The following EPHB1 variants were observed in gnomAD, a reference collection of about 807,000 sequenced individuals.
EPHB1 encodes ephrin type-B receptor 1.
In EPHB1, 30 loss-of-function variants were observed where a neutral mutation model predicts 94.4. That is an observed-to-expected ratio of 0.32 (90% CI 0.24 to 0.43). The LOEUF (loss-of-function observed/expected upper bound fraction) is 0.43, where lower values mean the gene tolerates loss of function less well. Ranked by LOEUF, EPHB1 falls within the 20% of genes least tolerant of loss-of-function variation. The pLI is 1.00. For missense variants in EPHB1, 1,055 were observed against 1,308.3 expected, an observed-to-expected ratio of 0.81 and a Z score of 2.99; for synonymous variants, 522 against 489.1, an observed-to-expected ratio of 1.07 and a Z score of -0.89.
At chr3:135,187,781 T>A (rs1215364189) in intron 10 of EPHB1, among the ~76,000 whole-genome samples, 4 of 152,180 alleles carry the variant, frequency 2.6e-5, no homozygotes, top group Non-Finnish European at 5.9e-5. Flanking sequence ...AAAGCTCTGA[T>A]GTGTCTTAGA....
intron 4 of EPHB1, among the ~76,000 whole-genome samples, chr3:135,125,693 A>G (rs995836612): frequency 2.7e-3 from 1 of 374 alleles, no homozygotes; most frequent in African/African-American, 3.3e-3. Context: ...TGTTTATTTG[A>G]TAATGGTCTA....
intron 3 of EPHB1, among the ~76,000 whole-genome samples, chr3:135,079,140 A>G (rs192428122): frequency 6.6e-6 from 1 of 151,872 alleles, no homozygotes; most frequent in East Asian, 1.9e-4. Context: ...CCAAAGAAAC[A>G]CTAAACAGTT....
At chr3:135,171,115 C>T (rs992704173) in intron 9 of EPHB1, among the ~76,000 whole-genome samples, 1 of 152,078 alleles carries the variant, frequency 6.6e-6, no homozygotes, top group African/African-American at 2.4e-5. Flanking sequence ...CAGATGAGTT[C>T]TGGGCATTCA....
intron 3 of EPHB1, among the ~76,000 whole-genome samples, chr3:135,090,426 A>G (rs971017751): frequency 2.6e-5 from 4 of 152,072 alleles, no homozygotes; most frequent in African/African-American, 9.7e-5. Flanking sequence ...TGTCATAGTA[A>G]CTCTTACTTG....
At chr3:134,915,800 G>A (rs745658158) in intron 1 of EPHB1, among the ~76,000 whole-genome samples, 9 of 152,152 alleles carry the variant, frequency 5.9e-5, no homozygotes, top group Admixed American at 2.6e-4. Context: ...GCAGACCTTC[G>A]CGGTGAGTGT....
intron 3 of EPHB1, among the ~76,000 whole-genome samples, chr3:135,005,027 G>T (rs1283811524): frequency 6.6e-6 from 1 of 152,238 alleles, no homozygotes; most frequent in African/African-American, 2.4e-5. Context: ...TGCAGGAGGA[G>T]AGGCGCTCTG....
intron 5 of EPHB1, among the ~76,000 whole-genome samples, chr3:135,140,139 A>G (rs1275737473): frequency 2.0e-5 from 3 of 152,328 alleles, no homozygotes; most frequent in Non-Finnish European, 4.4e-5. Context: ...AGGATCTCAT[A>G]TCCACATGAG....
At chr3:135,236,847 AC>A (rs1356713270) in intron 12 of EPHB1, among the ~76,000 whole-genome samples, 3 of 152,192 alleles carry the variant, frequency 2.0e-5, no homozygotes, top group African/African-American at 7.2e-5. Flanking sequence ...TAGAAGTGCT[AC>A]CCTCTGGGCT....
intron 3 of EPHB1, among the ~76,000 whole-genome samples, chr3:134,982,275 A>T: frequency 6.6e-6 from 1 of 152,182 alleles, no homozygotes. Context: ...GTGATTTCTG[A>T]TCATTGGATT....
At chr3:135,098,882 G>A (rs998146541) in intron 3 of EPHB1, among the ~76,000 whole-genome samples, 2 of 151,722 alleles carry the variant, frequency 1.3e-5, no homozygotes, top group African/African-American at 2.4e-5. Flanking sequence ...TGGTAGTGGC[G>A]CTTTCCTGTA....
At chr3:134,967,148 T>C (rs1933786742) in intron 3 of EPHB1, among the ~76,000 whole-genome samples, 1 of 152,234 alleles carries the variant, frequency 6.6e-6, no homozygotes. Flanking sequence ...ATGAATGGAC[T>C]GATGGCCCAG....
intron 2 of EPHB1, among the ~76,000 whole-genome samples, chr3:134,942,653 A>C (rs2107710515): frequency 6.6e-6 from 1 of 152,328 alleles, no homozygotes; most frequent in East Asian, 1.9e-4. Flanking sequence ...GGAGAGGTCA[A>C]GTTGGTGATG....
chr3:135,124,338 G>A (rs1231624384), intron 4 of EPHB1, among the ~76,000 whole-genome samples: 1 of 151,646 alleles, frequency 6.6e-6, no homozygotes, highest in Non-Finnish European at 1.5e-5. Context: ...TATCATCAGA[G>A]CCCTATGACT....
rs2036073193 is a variant in EPHB1, at chr3:134,806,917, G to A, written c.58+11228G>A. On this transcript the variant is annotated intron_variant, in intron 1 of 15. Coordinates refer to ENST00000398015, the MANE Select transcript of EPHB1 (RefSeq NM_004441.5). ...ATGTGACTGAGAGTGATGGGCGCAG[G>A]CTTGGACAACTTAAAACGGGGAAGG... 2.6e-5 allele frequency among the ~76,000 whole-genome samples: 4 copies of A among 152,276 alleles called. No homozygotes were observed. In the South Asian group the frequency reaches 8.3e-4, roughly 32 times the overall value.
chr3:135,206,296 T>C (rs1035998488), intron 12 of EPHB1, among the ~76,000 whole-genome samples: 3 of 152,232 alleles, frequency 2.0e-5, no homozygotes, highest in African/African-American at 7.2e-5. Flanking sequence ...CATTTTTGAC[T>C]ATGTATTGGG....
chr3:135,113,972 T>G (rs1340966489), intron 4 of EPHB1, among the ~76,000 whole-genome samples: 2 of 152,202 alleles, frequency 1.3e-5, no homozygotes, highest in Admixed American at 1.3e-4. Context: ...TCATGGATTT[T>G]CCTTGTGATT....
chr3:135,134,334 A>C (rs1940534828), intron 5 of EPHB1, among the ~76,000 whole-genome samples: 1 of 151,900 alleles, frequency 6.6e-6, no homozygotes, highest in Admixed American at 6.6e-5. Context: ...TCACCTCCCC[A>C]CCCTCAGACT....
At chr3:135,222,339 T>C (rs115266169) in intron 12 of EPHB1, among the ~76,000 whole-genome samples, 3,498 of 152,310 alleles carry the variant, frequency 0.023, 74 homozygotes, top group South Asian at 0.04. Flanking sequence ...CGTGTTCTGT[T>C]CCATGCCTGT....
chr3:134,973,393 C>T (rs1190385134), intron 3 of EPHB1, among the ~76,000 whole-genome samples: 1 of 149,886 alleles, frequency 6.7e-6, no homozygotes, highest in African/African-American at 2.5e-5. Context: ...GGAGAGGAAC[C>T]GAGCAGAAGC....
Sources: gnomAD v4.1 joint callset for allele counts (sites outside exome capture counted in the v4.1 genomes callset) on GRCh38, gnomAD v4.1.1 for gene constraint, MANE v1.5 for transcripts, NCBI Gene and HGNC (gene_info 2026-07-23, HGNC 2026-07-21) for gene names.